Variants in SORD observed in about 807,000 individuals in gnomAD.
SORD encodes the protein sorbitol dehydrogenase, also known as (R,R)-butanediol dehydrogenase.
A neutral mutation model predicts 35.6 loss-of-function variants in SORD; 18 were observed. That is an observed-to-expected ratio of 0.51 (90% confidence interval 0.35 to 0.75). The LOEUF (loss-of-function observed/expected upper bound fraction) is 0.75, where lower values mean the gene tolerates loss of function less well. SORD is among the 30% of genes least tolerant of loss of function. The pLI, the probability that SORD is intolerant of heterozygous loss-of-function variation, is 0.01. For missense variants in SORD, 250 were observed against 390.2 expected, an observed-to-expected ratio of 0.64 and a Z score of 3.03; for synonymous variants, 106 against 152.9, an observed-to-expected ratio of 0.69 and a Z score of 2.26.
At chr15:45,030,392 A>G (rs1251658911) in intron 1 of SORD, among the ~76,000 whole-genome samples, 1 of 152,394 alleles carries the variant, frequency 6.6e-6, no homozygotes, top group African/African-American at 2.4e-5. Context: ...ATACAATATT[A>G]GCATCTAACT....
At chr15:45,037,419 G>A (rs1417849890) in intron 1 of SORD, among the ~76,000 whole-genome samples, 3 of 152,262 alleles carry the variant, frequency 2.0e-5, no homozygotes, top group Admixed American at 6.5e-5. Flanking sequence ...TCTCCACCTC[G>A]AAATGGGGCG....
At chr15:45,023,433 C>T in intron 1 of SORD, 84 bp downstream of exon 1, 1 of 1,212,978 alleles carries the variant, frequency 8.2e-7, no homozygotes, top group East Asian at 3.1e-5. Context: ...TTCCCACTTC[C>T]AGCCTGGCGC....
intron 3 of SORD, among the ~76,000 whole-genome samples, chr15:45,055,732 A>G (rs1043145544): frequency 6.6e-6 from 1 of 152,238 alleles, no homozygotes; most frequent in Non-Finnish European, 1.5e-5. Flanking sequence ...ATTGATGCAA[A>G]AATCCTCAAT....
Position 45,061,160 on chromosome 15 carries a change from G to A in SORD, c.359G>A (p.Cys120Tyr), listed in dbSNP as rs776946050. 3 of 1,613,982 alleles carry A rather than the reference G, an allele frequency of 1.9e-6. No individual in the cohort carries two copies. The highest frequency in any genetic ancestry group is 2.5e-6 in the Non-Finnish European group (3 of 1,180,026). Residue 120 changes from cysteine (C) to tyrosine (Y), a missense_variant, in exon 4 of 9, where the codon TGT becomes TAT. Cys to Tyr is a radical substitution (Grantham distance 194, BLOSUM62 -2). Coordinates refer to ENST00000267814, the MANE Select transcript of SORD (RefSeq NM_003104.6). ...RYNLSPSIFFCATPPDDGNLC... is the reference protein window; with the variant it reads ...RYNLSPSIFFYATPPDDGNLC... ...AATCTGTCACCTTCCATCTTCTTCT[G>A]TGCCACGCCCCCCGATGACGGGAAC...
intron 3 of SORD, among the ~76,000 whole-genome samples, chr15:45,046,260 C>T (rs548664890): frequency 1.4e-4 from 21 of 152,112 alleles, no homozygotes; most frequent in African/African-American, 4.3e-4. Flanking sequence ...TTTATTTTTT[C>T]GAGATGAAGT....
rs929107965 is a variant in SORD, at chr15:45,031,321, A to G, written c.66+7972A>G. 1.0e-4 allele frequency among the ~76,000 whole-genome samples: 9 copies of G among 87,670 alleles called. No homozygotes were observed. The African/African-American group carries it at 2.1e-3, about 20-fold the overall frequency. 57.5% of individuals were successfully genotyped at this position (87,670 alleles called of 152,430 possible). Reference sequence around the variant, plus strand: ...AGAACCCATCTCTTAAAACAACAACAACGACAAAAAAAAAAAAACAACAGG... The same window carrying G: ...AGAACCCATCTCTTAAAACAACAACGACGACAAAAAAAAAAAAACAACAGG... On this transcript the variant is annotated intron_variant, in intron 1 of 8. Transcript: ENST00000267814.
chr15:45,069,926 G>A (rs1476569606), intron 7 of SORD: 1 of 152,208 alleles, frequency 6.6e-6, no homozygotes, highest in Non-Finnish European at 1.5e-5. Flanking sequence ...CTTATGGGAA[G>A]TTGGCAGGAA....
chr15:45,069,973 A>G (rs1332744918), intron 7 of SORD: 2 of 152,202 alleles, frequency 1.3e-5, no homozygotes, highest in African/African-American at 2.4e-5. Flanking sequence ...TTGACAGATC[A>G]AAGTATGAGG....
At chr15:45,054,932 G>A (rs113037771) in intron 3 of SORD, among the ~76,000 whole-genome samples, 3 of 152,008 alleles carry the variant, frequency 2.0e-5, no homozygotes, top group Non-Finnish European at 2.9e-5. Flanking sequence ...TTTTTCTCAG[G>A]TTTGTCAAAG....
At chr15:45,056,571 T>C (rs1477471243) in intron 3 of SORD, among the ~76,000 whole-genome samples, 1 of 152,212 alleles carries the variant, frequency 6.6e-6, no homozygotes, top group Non-Finnish European at 1.5e-5. Context: ...CCCAGGTAAC[T>C]TATAGATTCT....
At chr15:45,026,952 C>T (rs1401125108) in intron 1 of SORD, among the ~76,000 whole-genome samples, 1 of 152,232 alleles carries the variant, frequency 6.6e-6, no homozygotes, top group Non-Finnish European at 1.5e-5. Flanking sequence ...GGAGACTGCA[C>T]CATTCTCTTC....
At chr15:45,069,528 C>G (rs1893475425) in intron 7 of SORD, among the ~76,000 whole-genome samples, 1 of 152,086 alleles carries the variant, frequency 6.6e-6, no homozygotes, top group African/African-American at 2.4e-5. Context: ...GGAGACTGTA[C>G]TTGAACTTGC....
intron 4 of SORD, among the ~76,000 whole-genome samples, chr15:45,064,824 A>G (rs1379242036): frequency 7.9e-5 from 12 of 152,248 alleles, no homozygotes; most frequent in Admixed American, 2.0e-4. Context: ...TTCATTTATT[A>G]ATGATAACCA....
chr15:45,029,848 G>A (rs114514894), intron 1 of SORD, among the ~76,000 whole-genome samples: 31,262 of 150,888 alleles, frequency 0.21, no homozygotes, highest in African/African-American at 0.44. Context: ...CAGAAGTCAG[G>A]TTGTCTCCTC....
intron 3 of SORD, among the ~76,000 whole-genome samples, chr15:45,050,026 A>C (rs1318625963): frequency 2.6e-5 from 4 of 152,274 alleles, no homozygotes; most frequent in African/African-American, 9.6e-5. Flanking sequence ...AATTATTTCT[A>C]CATAGGCTTT....
At chr15:45,030,435 C>A (rs1233778592) in intron 1 of SORD, among the ~76,000 whole-genome samples, 1 of 152,236 alleles carries the variant, frequency 6.6e-6, no homozygotes, top group Non-Finnish European at 1.5e-5. Flanking sequence ...TTGAAGCTGG[C>A]AGTTTTCCCC....
intron 1 of SORD, among the ~76,000 whole-genome samples, chr15:45,031,737 G>A (rs1483764396): frequency 2.0e-5 from 3 of 150,356 alleles, no homozygotes; most frequent in Non-Finnish European, 4.5e-5. Flanking sequence ...GATCACCGGT[G>A]TGAGCCATCC....
intron 3 of SORD, among the ~76,000 whole-genome samples, chr15:45,052,725 C>T (rs568325634): frequency 2.0e-5 from 3 of 152,222 alleles, no homozygotes; most frequent in South Asian, 2.1e-4. Flanking sequence ...CCAGAGACTG[C>T]TGAGCCCCTG....
intron 1 of SORD, among the ~76,000 whole-genome samples, chr15:45,036,783 T>C (rs56060952): frequency 0.09 from 13,636 of 151,906 alleles, 806 homozygotes; most frequent in Middle Eastern, 0.18. Flanking sequence ...TGACAAAACC[T>C]TTGGGAATGA....
Sources: allele counts gnomAD v4.1 joint callset (sites outside exome capture counted in the v4.1 genomes callset), GRCh38; gene constraint gnomAD v4.1.1; transcripts MANE v1.5; gene names NCBI Gene and HGNC (gene_info 2026-07-23, HGNC 2026-07-21).